DNMT3A: variants seen among roughly 807,000 people sequenced by gnomAD.
DNMT3A encodes DNA (cytosine-5)-methyltransferase 3A.
Under a neutral mutation model 117.6 loss-of-function variants are expected in DNMT3A, and 267 were observed. The observed-to-expected ratio is 2.27, with a 90% CI of 2.05 to 2.51. The LOEUF is 2.51. Among genes scored for constraint, DNMT3A ranks in the 30% most tolerant of loss-of-function variants. The probability of loss-of-function intolerance (pLI) is 0.00; values close to 1 mark genes in which losing one functional copy is unlikely to be tolerated. For synonymous variants in DNMT3A, 432 were observed against 474.8 expected (o/e 0.91, Z 1.17); for missense variants, 1,029 against 1,260.2 (o/e 0.82, Z 2.78).
intron 6 of DNMT3A, among the ~76,000 whole-genome samples, chr2:25,261,374 G>A (rs1676586513): frequency 6.7e-6 from 1 of 150,068 alleles, no homozygotes; most frequent in Non-Finnish European, 1.5e-5. Flanking sequence ...GGGAGGCAGA[G>A]GTTGCAGTGA....
In DNMT3A at chr2:25,332,134, C is replaced by T. The variant is rs542097164; in HGVS notation, c.-178+9692G>A. Among the ~76,000 whole-genome samples, 30 of 152,320 alleles carry T rather than the reference C, an allele frequency of 2.0e-4. No individual in the cohort carries two copies. The East Asian group carries it at 5.8e-3, about 29-fold the overall frequency. On this transcript the variant is annotated intron_variant, in intron 1 of 22. Transcript: ENST00000321117. ...CCCTAAACCCTATTGCCCGAGCTCT[C>T]GTCCTCGATGCCCTAGAATGATCCT...
In DNMT3A at chr2:25,228,079, C is replaced by A. The variant is rs2149242212; in HGVS notation, c.*6200G>T. Reference sequence around the variant, plus strand: ...CACGAGCATCACTTACACAGAGATACAACAGGACACCAGGCGGGTGGGGCA... The same window carrying A: ...CACGAGCATCACTTACACAGAGATAAAACAGGACACCAGGCGGGTGGGGCA... On this transcript the variant is annotated 3_prime_UTR_variant, in exon 23 of 23. Coordinates refer to ENST00000321117, the MANE Select transcript of DNMT3A (RefSeq NM_022552.5). The A allele has an allele frequency of 6.6e-6, 1 of 150,974 alleles. No individual in the cohort carries two copies. The highest frequency in any genetic ancestry group is 2.1e-4 in the South Asian group (1 of 4,752). 9.4% of individuals were successfully genotyped at this position (150,974 alleles called of 1,614,324 possible).
intron 4 of DNMT3A, among the ~76,000 whole-genome samples, chr2:25,279,552 T>TA (rs2031728159): frequency 6.6e-6 from 1 of 152,064 alleles, no homozygotes; most frequent in African/African-American, 2.4e-5. Flanking sequence ...CCCCGCGAGG[T>TA]AACATCTCAC....
In DNMT3A at chr2:25,240,666, A is replaced by C; in HGVS notation, c.2147T>G (p.Val716Gly). 1 of 1,614,214 alleles carries C rather than the reference A, an allele frequency of 6.2e-7. No individual in the cohort carries two copies. The highest frequency in any genetic ancestry group is 8.5e-7 in the Non-Finnish European group (1 of 1,180,032). ...GGSPCNDLSI[V>G]NPARKGLYEG... is the part of the protein sequence containing the mutation. ...GTAGAGGCCCTTGCGAGCAGGGTTG[A>C]CGATGGAGAGGTCATTGCAGGGACT... is the stretch of plus-strand genomic sequence containing the variant. The change falls in exon 18 of 23, where the codon GTC becomes GGC. Residue 716 changes from valine (V) to glycine (G), a missense_variant. Val to Gly is a moderately radical substitution (Grantham distance 109). Transcript: ENST00000321117.
chr2:25,319,662 C>T (rs1327783792), intron 1 of DNMT3A, among the ~76,000 whole-genome samples: 2 of 152,240 alleles, frequency 1.3e-5, no homozygotes, highest in Admixed American at 1.3e-4. Flanking sequence ...CCGTCATCAC[C>T]ATGCCCTCTG....
At chr2:25,264,138 T>TG (rs2029979443) in intron 6 of DNMT3A, among the ~76,000 whole-genome samples, 3 of 127,800 alleles carry the variant, frequency 2.3e-5, no homozygotes, top group Non-Finnish European at 5.0e-5. Flanking sequence ...TTTGGTTTTT[T>TG]TTTTTTTTTT....
Position 25,234,524 on chromosome 2 carries a change from G to T in DNMT3A, c.2598-104C>A. ...GGACCCGGAGGACCAGCAGCCACCCGAAGTGCAGGGACAGGGGCACTCACA... is the reference window on the plus strand; with the variant it reads ...GGACCCGGAGGACCAGCAGCCACCCTAAGTGCAGGGACAGGGGCACTCACA... On this transcript the variant is annotated intron_variant, in intron 22 of 22. Coordinates refer to ENST00000321117, the MANE Select transcript of DNMT3A (RefSeq NM_022552.5). This position sits in a 1 kb window ranked among gnomAD's most constrained non-coding sequence, Gnocchi z 4.5. 7.4e-7 allele frequency: 1 copy of T among 1,354,824 alleles called. No individual in the cohort carries two copies. The highest frequency in any genetic ancestry group is 9.9e-7 in the Non-Finnish European group (1 of 1,008,904). The allele number at this position is 1,354,824 out of a possible 1,614,324, so 83.9% of individuals were successfully genotyped here.
In DNMT3A at chr2:25,265,494, C is replaced by T. The variant is rs1007114149; in HGVS notation, c.639+9447G>A. Among the ~76,000 whole-genome samples, 3 of 152,108 alleles carry T rather than the reference C, an allele frequency of 2.0e-5. No individual in the cohort carries two copies. In the East Asian group the frequency reaches 5.8e-4, roughly 29 times the overall value. On this transcript the variant is annotated intron_variant, in intron 6 of 22. Transcript: ENST00000321117. Reference sequence around the variant, plus strand: ...CCGCAACCTACTTACCTAGATAAATCTTAATTTTCTAATAGCAAAATACAG... The same window carrying T: ...CCGCAACCTACTTACCTAGATAAATTTTAATTTTCTAATAGCAAAATACAG...
rs1468255229 is a variant in DNMT3A, at chr2:25,246,216, C to T, written c.1373G>A (p.Arg458Gln). 1.2e-6 allele frequency: 2 copies of T among 1,614,008 alleles called. No homozygotes were observed. Among genetic ancestry groups the T allele is most frequent in the Non-Finnish European group, 1.7e-6 (2 of 1,180,002 alleles). The change falls in exon 11 of 23, where the codon CGG becomes CAG. Residue 458 changes from arginine (R) to glutamine (Q), a missense_variant. Coordinates refer to ENST00000321117, the MANE Select transcript of DNMT3A (RefSeq NM_022552.5). ...YAPPPPAKKP[R>Q]KSTAEKPKVK... Reference sequence around the variant, plus strand: ...CTTGGGCTTCTCCGCTGTGCTCTTCCGGGGCTTTTTGGCTGGTGGAGGTGG... The same window carrying T: ...CTTGGGCTTCTCCGCTGTGCTCTTCTGGGGCTTTTTGGCTGGTGGAGGTGG...
At chr2:25,238,937 G>C (rs921241204) in intron 20 of DNMT3A, among the ~76,000 whole-genome samples, 193 bp downstream of exon 20, 2 of 152,230 alleles carry the variant, frequency 1.3e-5, no homozygotes, top group East Asian at 3.8e-4. Context: ...CTAGTTGTTG[G>C]TTTCAGACGA....
In DNMT3A at chr2:25,248,139, A is replaced by T. The variant is rs1182947474; in HGVS notation, c.753T>A (p.Thr251=). The T allele has an allele frequency of 1.2e-6, 2 of 1,613,690 alleles. No homozygotes were observed. The highest frequency in any genetic ancestry group is 1.7e-6 in the Non-Finnish European group (2 of 1,179,946). Residue 251 remains threonine, a synonymous_variant, in exon 7 of 23, where the codon ACT becomes ACA. Transcript: ENST00000321117. The part of the protein sequence containing the change: ...EASPPAVQQP[T]DPASPTVATT... ...TAGCCACAGTGGGGGATGCGGGGTC[A>T]GTGGGCTGCTGCACAGCAGGAGGGC... is the stretch of plus-strand genomic sequence containing the variant.
chr2:25,260,011 C>T (rs1300252018), intron 6 of DNMT3A, among the ~76,000 whole-genome samples: 1 of 152,178 alleles, frequency 6.6e-6, no homozygotes, highest in Non-Finnish European at 1.5e-5. Flanking sequence ...CTACTTCTTC[C>T]TTTGCTTGTT....
intron 1 of DNMT3A, among the ~76,000 whole-genome samples, chr2:25,338,084 G>A (rs758551409): frequency 1.3e-5 from 2 of 152,164 alleles, no homozygotes; most frequent in South Asian, 2.1e-4. Context: ...GGGAGGATAC[G>A]AGCACCAAGT....
At position 25,237,107 on chromosome 2, in the gene DNMT3A, C is replaced by A; in HGVS notation, c.2409-102G>T. The A allele has an allele frequency of 5.0e-6, 6 of 1,193,392 alleles. 1 individual carries two copies. The highest frequency in any genetic ancestry group is 7.2e-6 in the Non-Finnish European group (6 of 831,360). The allele number at this position is 1,193,392 out of a possible 1,614,324, so 73.9% of individuals were successfully genotyped here. On this transcript the variant is annotated intron_variant, in intron 20 of 22. Transcript: ENST00000321117. The surrounding 1 kb of genome is among the most constrained non-coding windows in gnomAD (Gnocchi z 5.4). The stretch of plus-strand genomic sequence containing the variant: ...CCCTCCCCCAGCAGCCACTAGTTCA[C>A]AGGGTAAGAGCCCCTTCCCCAAATC...
chr2:25,319,108 G>A (rs1212513857), intron 1 of DNMT3A, among the ~76,000 whole-genome samples: 1 of 147,378 alleles, frequency 6.8e-6, no homozygotes. Flanking sequence ...TCCACCTCCC[G>A]GGTTCATGCC....
At chr2:25,314,509 C>A (rs1051148288) in intron 1 of DNMT3A, 103 of 985,112 alleles carry the variant, frequency 1.0e-4, no homozygotes, top group Middle Eastern at 5.2e-4. Flanking sequence ...CCCCAACCAG[C>A]CCCTGGGAAA....
intron 6 of DNMT3A, among the ~76,000 whole-genome samples, 188 bp downstream of exon 6, chr2:25,274,753 C>T (rs1022920904): frequency 5.9e-5 from 9 of 152,384 alleles, no homozygotes; most frequent in East Asian, 1.9e-4. Flanking sequence ...GTCTAGTACA[C>T]AGCCAGGTAT....
rs942390629 is a variant in DNMT3A, at chr2:25,232,800, A to G, written c.*1479T>C. ...AACAAACATAATTATAACCAGAACC[A>G]TAAGAATAATTATAATAAAAGGTGT... On this transcript the variant is annotated 3_prime_UTR_variant, in exon 23 of 23. Coordinates refer to ENST00000321117, the MANE Select transcript of DNMT3A (RefSeq NM_022552.5). This position sits in a 1 kb window ranked among gnomAD's most constrained non-coding sequence, Gnocchi z 4.1. The G allele has an allele frequency of 1.9e-5, 4 of 208,298 alleles. No homozygotes were observed. Among genetic ancestry groups the G allele is most frequent in the East Asian group, 7.3e-5 (1 of 13,638 alleles). 12.9% of individuals were successfully genotyped at this position (208,298 alleles called of 1,614,324 possible). A position where few individuals can be genotyped will look rare whatever the true frequency, so the allele number is the denominator to read the frequency against.
In DNMT3A at chr2:25,234,465, C is replaced by T; in HGVS notation, c.2598-45G>A. On this transcript the variant is annotated intron_variant, in intron 22 of 22. Coordinates refer to ENST00000321117, the MANE Select transcript of DNMT3A (RefSeq NM_022552.5). This position sits in a 1 kb window ranked among gnomAD's most constrained non-coding sequence, Gnocchi z 4.5. Reference sequence around the variant, plus strand: ...GAGGGCAGGGTGAGTGCTGGCCAGACCAGGCTGCCCGGAAGCCGTCTAACC... The same window carrying T: ...GAGGGCAGGGTGAGTGCTGGCCAGATCAGGCTGCCCGGAAGCCGTCTAACC... 3.2e-6 allele frequency: 5 copies of T among 1,574,940 alleles called. No homozygotes were observed. Among genetic ancestry groups the T allele is most frequent in the Non-Finnish European group, 4.3e-6 (5 of 1,156,064 alleles).
Sources: allele counts gnomAD v4.1 joint callset (sites outside exome capture counted in the v4.1 genomes callset), GRCh38; gene constraint gnomAD v4.1.1; non-coding constraint Gnocchi (gnomAD v3.1); transcripts MANE v1.5; gene names NCBI Gene and HGNC (gene_info 2026-07-23, HGNC 2026-07-21).